The following CDK17 variants were observed in gnomAD, a reference collection of about 807,000 sequenced individuals.
CDK17 encodes cyclin dependent kinase 17, also known as cyclin-dependent kinase 17.
Under a neutral mutation model 77.6 loss-of-function variants are expected in CDK17, and 24 were observed. That is an observed-to-expected ratio of 0.31 (90% CI 0.22 to 0.44). The LOEUF is 0.44. CDK17 is among the 20% of genes least tolerant of loss of function. The pLI, the probability that CDK17 is intolerant of heterozygous loss-of-function variation, is 1.00. For synonymous variants in CDK17, 203 were observed against 210.4 expected (o/e 0.96, Z 0.30); for missense variants, 429 against 622.5 (o/e 0.69, Z 3.31).
intron 3 of CDK17, among the ~76,000 whole-genome samples, chr12:96,319,108 A>G (rs1034506183): frequency 6.8e-6 from 1 of 147,510 alleles, no homozygotes; most frequent in Non-Finnish European, 1.5e-5. Context: ...AAAAAATGAT[A>G]AAGGGGATAT....
At chr12:96,375,247 T>C (rs1429911044) in intron 1 of CDK17, among the ~76,000 whole-genome samples, 2 of 152,210 alleles carry the variant, frequency 1.3e-5, no homozygotes, top group African/African-American at 2.4e-5. Flanking sequence ...TTATAGGAGT[T>C]TGACCAGTCC....
intron 2 of CDK17, among the ~76,000 whole-genome samples, chr12:96,326,508 G>T (rs1010005263): frequency 7.2e-5 from 11 of 152,190 alleles, no homozygotes; most frequent in African/African-American, 2.7e-4. Flanking sequence ...TGGATAACAG[G>T]ATATTCCAGA....
chr12:96,334,463 G>GA (rs1953013701), intron 2 of CDK17, among the ~76,000 whole-genome samples: 1 of 152,124 alleles, frequency 6.6e-6, no homozygotes, highest in South Asian at 2.1e-4. Context: ...AAGAACTAGT[G>GA]AAAAATGGAA....
intron 13 of CDK17, 113 bp downstream of exon 13, chr12:96,285,930 G>A (rs1231328177): frequency 3.1e-5 from 17 of 546,832 alleles, no homozygotes; most frequent in Non-Finnish European, 5.1e-5. Context: ...CCTAAAATAC[G>A]TAAGGGTTAT....
intron 1 of CDK17, among the ~76,000 whole-genome samples, chr12:96,398,273 A>G (rs1450631310): frequency 6.6e-6 from 1 of 152,184 alleles, no homozygotes; most frequent in Non-Finnish European, 1.5e-5. Context: ...TCCCTTAGTC[A>G]CATTTTCTTT....
At chr12:96,300,419 C>T in intron 5 of CDK17, 59 bp from the exon 6 acceptor site, 1 of 956,438 alleles carries the variant, frequency 1.0e-6, no homozygotes, top group African/African-American at 1.7e-5. Context: ...TTTGAGACAG[C>T]ATCGTCTCAC....
At chr12:96,289,696 C>T (rs35714443) in intron 10 of CDK17, among the ~76,000 whole-genome samples, 7,890 of 152,238 alleles carry the variant, frequency 0.052, 270 homozygotes, top group Non-Finnish European at 0.064. Context: ...GCTTTTGTCA[C>T]CTTTTAACCT....
chr12:96,372,913 T>C (rs1015279356), intron 1 of CDK17, among the ~76,000 whole-genome samples: 3 of 152,192 alleles, frequency 2.0e-5, no homozygotes, highest in African/African-American at 7.2e-5. Context: ...ACAAACAGAA[T>C]ATTGTTTGGG....
At chr12:96,395,764 C>T (rs988539872) in intron 1 of CDK17, among the ~76,000 whole-genome samples, 1 of 152,104 alleles carries the variant, frequency 6.6e-6, no homozygotes, top group African/African-American at 2.4e-5. Context: ...GGGATTTGTG[C>T]CCTTTTAAGT....
rs56689330 is a variant in CDK17 at position 96,367,344 on chromosome 12, C to CAA, written c.-29-32481_-29-32480dup. ...TGGGTGACAGAATGAGACTCCACCT[C>CAA]AAAAAAAAAAAAAAAAAAAAAAAAA... On this transcript the variant is annotated intron_variant, in intron 1 of 16. Transcript: ENST00000261211. 1.3e-3 allele frequency among the ~76,000 whole-genome samples: 85 copies of CAA among 63,502 alleles called. 4 individuals are homozygous for CAA. Among genetic ancestry groups the CAA allele is most frequent in the East Asian group, 5.8e-3 (12 of 2,054 alleles). 41.7% of individuals were successfully genotyped at this position (63,502 alleles called of 152,430 possible).
At chr12:96,384,136 C>T (rs1350628458) in intron 1 of CDK17, among the ~76,000 whole-genome samples, 2 of 151,952 alleles carry the variant, frequency 1.3e-5, no homozygotes, top group Admixed American at 6.6e-5. Flanking sequence ...AAGCAGCCAA[C>T]AAACACATGA....
chr12:96,388,114 A>G (rs1954006492), intron 1 of CDK17, among the ~76,000 whole-genome samples: 1 of 152,170 alleles, frequency 6.6e-6, no homozygotes, highest in Non-Finnish European at 1.5e-5. Context: ...TACATAAAAA[A>G]AAAAGAAAAG....
chr12:96,393,456 G>A (rs780926359), intron 1 of CDK17, among the ~76,000 whole-genome samples: 22 of 151,314 alleles, frequency 1.5e-4, no homozygotes, highest in Admixed American at 2.6e-4. Context: ...AAAAAATCTG[G>A]GCACAGTGGC....
chr12:96,297,532 T>C, intron 8 of CDK17, 95 bp downstream of exon 8: 1 of 903,718 alleles, frequency 1.1e-6, no homozygotes, highest in Non-Finnish European at 1.8e-6. Flanking sequence ...TAAGCACAGC[T>C]GCAGTTTAAA....
At chr12:96,297,456 T>C (rs1371878292) in intron 8 of CDK17, 124 bp from the exon 9 acceptor site, 21 of 751,660 alleles carry the variant, frequency 2.8e-5, no homozygotes, top group Non-Finnish European at 4.4e-5. Context: ...ACCATACACA[T>C]AATTTAATGA....
downstream of CDK17, chr12:96,278,255 T>C (rs1010089618): frequency 3.3e-5 from 5 of 152,002 alleles, no homozygotes; most frequent in African/African-American, 1.2e-4. Context: ...ATGTAACAAA[T>C]GGATATATAT....
In CDK17 at chr12:96,311,055, G is replaced by A; in HGVS notation, c.540C>T (p.Ser180=). ...QPMSRRSRRA[S]LSEIGFGKME... is the part of the protein sequence containing the mutation. ...GTATAGGAGACCAAAAACTTACTAA[G>A]GAAGCTCTACGAGACCTTCGACTCA... The change falls in exon 5 of 17, where the codon TCC becomes TCT. Residue 180 remains serine (S), a synonymous_variant. Transcript: ENST00000261211. The A allele has an allele frequency of 6.3e-7, 1 of 1,595,620 alleles. No individual in the cohort carries two copies.
chr12:96,293,895 T>C (rs1952362196), intron 10 of CDK17, among the ~76,000 whole-genome samples: 1 of 152,234 alleles, frequency 6.6e-6, no homozygotes, highest in South Asian at 2.1e-4. Flanking sequence ...CTCTAATTTT[T>C]GCTTGAAAAC....
At chr12:96,329,338 T>C (rs1272921145) in intron 2 of CDK17, among the ~76,000 whole-genome samples, 3 of 152,188 alleles carry the variant, frequency 2.0e-5, no homozygotes, top group Non-Finnish European at 4.4e-5. Flanking sequence ...TAGAAATCTA[T>C]ATGAAAAATT....
Sources: gnomAD v4.1 joint callset for allele counts (sites outside exome capture counted in the v4.1 genomes callset) on GRCh38, gnomAD v4.1.1 for gene constraint, MANE v1.5 for transcripts, NCBI Gene and HGNC (gene_info 2026-07-23, HGNC 2026-07-21) for gene names.